The following PCSK2 variants were observed in gnomAD, a reference collection of about 807,000 sequenced individuals.
PCSK2 encodes the protein proprotein convertase subtilisin/kexin type 2.
Under a neutral mutation model 69.7 loss-of-function variants are expected in PCSK2, and 14 were observed. That is an observed-to-expected ratio of 0.20 (90% CI 0.13 to 0.31). PCSK2 has a LOEUF of 0.31. Among genes scored for constraint, PCSK2 ranks in the 10% least tolerant of loss-of-function variants. PCSK2 has a pLI of 1.00. For missense variants in PCSK2, 544 were observed against 842.5 expected, an observed-to-expected ratio of 0.65 and a Z score of 4.39; for synonymous variants, 307 against 320.7, an observed-to-expected ratio of 0.96 and a Z score of 0.46.
chr20:17,470,071 G>A (rs891440785), intron 11 of PCSK2, among the ~76,000 whole-genome samples: 2 of 152,130 alleles, frequency 1.3e-5, no homozygotes, highest in Non-Finnish European at 2.9e-5. Context: ...CCAAATGGGG[G>A]ATTTAAGGCT....
At chr20:17,271,524 G>A (rs1987866117) in intron 2 of PCSK2, among the ~76,000 whole-genome samples, 1 of 151,948 alleles carries the variant, frequency 6.6e-6, no homozygotes, top group African/African-American at 2.4e-5. Context: ...AAATTGAGGT[G>A]GGTCAGTTGT....
chr20:17,303,869 C>T (rs1011475872), intron 2 of PCSK2, among the ~76,000 whole-genome samples: 2 of 148,990 alleles, frequency 1.3e-5, no homozygotes, highest in African/African-American at 2.5e-5. Context: ...TGTGAACGAC[C>T]GTGCCTGGCC....
chr20:17,413,549 T>C (rs2031927082), intron 6 of PCSK2, among the ~76,000 whole-genome samples: 4 of 152,142 alleles, frequency 2.6e-5, no homozygotes, highest in Admixed American at 2.6e-4. Flanking sequence ...CTTAGAGACC[T>C]ACAAAGAGAC....
intron 2 of PCSK2, among the ~76,000 whole-genome samples, chr20:17,324,272 C>T (rs565684619): frequency 6.6e-6 from 1 of 152,212 alleles, no homozygotes; most frequent in East Asian, 1.9e-4. Flanking sequence ...ACCACTGGCT[C>T]CAATCTGACA....
At chr20:17,254,726 G>T (rs1458485130) in intron 1 of PCSK2, among the ~76,000 whole-genome samples, 1 of 152,148 alleles carries the variant, frequency 6.6e-6, no homozygotes, top group Non-Finnish European at 1.5e-5. Context: ...AAGCAAAAAT[G>T]ACAGCTGAGA....
chr20:17,475,757 TTAAGA>T (rs1331622987), intron 11 of PCSK2, among the ~76,000 whole-genome samples: 2 of 152,228 alleles, frequency 1.3e-5, no homozygotes, highest in African/African-American at 4.8e-5. Context: ...TTCTGAATTC[TTAAGA>T]TAATAGTGAC....
intron 2 of PCSK2, among the ~76,000 whole-genome samples, chr20:17,352,643 C>T (rs931393266): frequency 6.6e-6 from 1 of 152,102 alleles, no homozygotes; most frequent in African/African-American, 2.4e-5. Flanking sequence ...ACTGTCTAGC[C>T]GTATGCAGAA....
At chr20:17,357,519 C>G (rs1418152981) in intron 2 of PCSK2, among the ~76,000 whole-genome samples, 3 of 152,238 alleles carry the variant, frequency 2.0e-5, no homozygotes, top group African/African-American at 7.2e-5. Context: ...CTTCCTGAAT[C>G]CACATCAGTC....
intron 1 of PCSK2, among the ~76,000 whole-genome samples, chr20:17,241,805 G>C (rs1238814930): frequency 6.6e-6 from 1 of 152,182 alleles, no homozygotes; most frequent in African/African-American, 2.4e-5. Flanking sequence ...TAACTTAGAA[G>C]CCAAGAAGAA....
At chr20:17,373,944 G>A (rs1056270522) in intron 5 of PCSK2, among the ~76,000 whole-genome samples, 1 of 152,142 alleles carries the variant, frequency 6.6e-6, no homozygotes, top group Non-Finnish European at 1.5e-5. Context: ...TTTCATCGGA[G>A]GGATCCAGTC....
chr20:17,303,463 AATATATATT>A lies in PCSK2; in HGVS notation c.282+43127_282+43135del, dbSNP rs1188797654. 1.5e-4 allele frequency among the ~76,000 whole-genome samples: 8 copies of A among 52,600 alleles called. No individual in the cohort carries two copies. In the East Asian group the frequency reaches 2.6e-3, roughly 17 times the overall value. The allele number at this position is 52,600 out of a possible 152,430, so 34.5% of individuals were successfully genotyped here. On this transcript the variant is annotated intron_variant, in intron 2 of 11. Coordinates refer to ENST00000262545, the MANE Select transcript of PCSK2 (RefSeq NM_002594.5). ...ATATAATATATATTATATTAAATAT[AATATATATT>A]ATATATAATATATATTATATTTAAT...
chr20:17,326,452 CTAAT>C (rs1216398130), intron 2 of PCSK2, among the ~76,000 whole-genome samples: 1 of 152,138 alleles, frequency 6.6e-6, no homozygotes, highest in African/African-American at 2.4e-5. Flanking sequence ...TAGTTAAAAA[CTAAT>C]TAAATCTGAA....
chr20:17,402,841 C>A (rs1277724394), intron 5 of PCSK2, among the ~76,000 whole-genome samples: 2 of 151,992 alleles, frequency 1.3e-5, no homozygotes, highest in Non-Finnish European at 2.9e-5. Context: ...CCTGTAGTCC[C>A]AGCTACTCGG....
At chr20:17,369,339 C>A in intron 5 of PCSK2, 62 bp downstream of exon 5, 4 of 1,322,294 alleles carry the variant, frequency 3.0e-6, no homozygotes, top group Non-Finnish European at 4.4e-6. Context: ...GTGTCCCTGG[C>A]TATTAGGAAC....
chr20:17,275,155 T>C (rs1355638378), intron 2 of PCSK2, among the ~76,000 whole-genome samples: 1 of 150,104 alleles, frequency 6.7e-6, no homozygotes, highest in Non-Finnish European at 1.5e-5. Flanking sequence ...TATAAAAGAG[T>C]CCCTTTCTTG....
At chr20:17,279,787 C>CA (rs1180147919) in intron 2 of PCSK2, among the ~76,000 whole-genome samples, 12,337 of 67,844 alleles carry the variant, frequency 0.18, 759 homozygotes, top group African/African-American at 0.29. Flanking sequence ...AACTCCGTCT[C>CA]AAAAAAAAAA....
intron 5 of PCSK2, among the ~76,000 whole-genome samples, chr20:17,371,404 A>G (rs1036217514): frequency 6.6e-6 from 1 of 152,222 alleles, no homozygotes; most frequent in Non-Finnish European, 1.5e-5. Flanking sequence ...CTGAAATTGG[A>G]ATGTGAAACC....
chr20:17,453,501 C>T lies in PCSK2; in HGVS notation c.886-241C>T, dbSNP rs2032863706. Reference sequence around the variant, plus strand: ...TAAGACAGTTCTTCCAATTTTCTTACCTCATTATCCCCAGCTTAAATTGTA... The same window carrying T: ...TAAGACAGTTCTTCCAATTTTCTTATCTCATTATCCCCAGCTTAAATTGTA... On this transcript the variant is annotated intron_variant, in intron 8 of 11. Transcript: ENST00000262545. The surrounding 1 kb of genome is among the most constrained non-coding windows in gnomAD (Gnocchi z 4.0). Among the ~76,000 whole-genome samples the T allele has an allele frequency of 6.6e-6, 1 of 152,138 alleles. No individual in the cohort carries two copies. The highest frequency in any genetic ancestry group is 2.4e-5 in the African/African-American group (1 of 41,434).
intron 4 of PCSK2, among the ~76,000 whole-genome samples, chr20:17,364,673 A>G (rs1278042567): frequency 6.6e-6 from 1 of 152,212 alleles, no homozygotes; most frequent in Non-Finnish European, 1.5e-5. Context: ...GGGGGAGGAC[A>G]CAGCCAAACC....
Sources: gnomAD v4.1 joint callset for allele counts (sites outside exome capture counted in the v4.1 genomes callset) on GRCh38, gnomAD v4.1.1 for gene constraint, Gnocchi (gnomAD v3.1) non-coding constraint, MANE v1.5 for transcripts, NCBI Gene and HGNC (gene_info 2026-07-23, HGNC 2026-07-21) for gene names.